The following CLPX variants were observed in gnomAD, a reference collection of about 807,000 sequenced individuals.
CLPX encodes the protein caseinolytic mitochondrial matrix peptidase chaperone subunit X.
CLPX carries 34 observed loss-of-function variants against 76.4 expected under a neutral mutation model. That is an observed-to-expected ratio of 0.45 (90% CI 0.34 to 0.59). The LOEUF (loss-of-function observed/expected upper bound fraction) is 0.59, where lower values mean the gene tolerates loss of function less well. Among genes scored for constraint, CLPX ranks in the 20% least tolerant of loss-of-function variants. CLPX has a pLI of 0.01. For missense variants in CLPX, 613 were observed against 757.0 expected (o/e 0.81, Z 2.23); for synonymous variants, 248 against 270.9 (o/e 0.92, Z 0.83).
chr15:65,157,130 A>G (rs927230848), intron 8 of CLPX, among the ~76,000 whole-genome samples, 198 bp from the exon 9 acceptor site: 11 of 152,218 alleles, frequency 7.2e-5, no homozygotes, highest in African/African-American at 1.2e-4. Context: ...AATCTGCTCT[A>G]CGGAGTAACA....
intron 3 of CLPX, among the ~76,000 whole-genome samples, chr15:65,168,809 A>G (rs1005215236): frequency 6.6e-6 from 1 of 151,938 alleles, no homozygotes; most frequent in Non-Finnish European, 1.5e-5. Context: ...TCTCAATTCC[A>G]ATGGATCAGC....
rs61002905 is a variant in CLPX at position 65,183,460 on chromosome 15, CAAAAAAAAA to C, written c.79+1606_79+1614del. On this transcript the variant is annotated intron_variant, in intron 1 of 13. Transcript: ENST00000300107. ...TGAGCGACAGAGCGAGACTCTGTCT[CAAAAAAAAA>C]AAAAAAAAAAAAAGAAAGAAAATAA... Among the ~76,000 whole-genome samples the C allele has an allele frequency of 1.5e-4, 10 of 66,256 alleles. No homozygotes were observed. In the East Asian group the frequency reaches 2.8e-3, roughly 19 times the overall value. 43.5% of individuals were successfully genotyped at this position (66,256 alleles called of 152,430 possible). A position where few individuals can be genotyped will look rare whatever the true frequency, so the allele number is the denominator to read the frequency against.
Position 65,153,683 on chromosome 15 carries a change from T to C in CLPX, c.1612-44A>G, listed in dbSNP as rs763635112. On this transcript the variant is annotated intron_variant, in intron 11 of 13. Transcript: ENST00000300107. ...TAAATTATAACTTTTATTGTTAATTTGTACCACCAGAAAATGTACCATTAA... is the reference window on the plus strand; with the variant it reads ...TAAATTATAACTTTTATTGTTAATTCGTACCACCAGAAAATGTACCATTAA... 2.3e-5 allele frequency: 27 copies of C among 1,172,002 alleles called. No individual in the cohort carries two copies. In the African/African-American group the frequency reaches 2.6e-4, roughly 11 times the overall value. The allele number at this position is 1,172,002 out of a possible 1,614,324, so 72.6% of individuals were successfully genotyped here. A position where few individuals can be genotyped will look rare whatever the true frequency, so the allele number is the denominator to read the frequency against.
chr15:65,183,549 CAGGAAGGAAGGAAAGGA>C (rs1358434153), intron 1 of CLPX, among the ~76,000 whole-genome samples: 3 of 124,378 alleles, frequency 2.4e-5, no homozygotes, highest in Admixed American at 8.2e-5. Context: ...GAAAGAAAGA[CAGGAAGGAAGGAAAGGA>C]AGGAAGGAAG....
intron 4 of CLPX, 47 bp from the exon 5 acceptor site, chr15:65,164,235 A>T: frequency 6.9e-7 from 1 of 1,458,202 alleles, no homozygotes; most frequent in Non-Finnish European, 9.4e-7. Context: ...CTATTATAAG[A>T]GCACACACAT....
intron 13 of CLPX, 104 bp from the exon 14 acceptor site, chr15:65,151,017 C>T (rs1467559589): frequency 2.1e-5 from 15 of 708,588 alleles, no homozygotes; most frequent in East Asian, 1.6e-4. Flanking sequence ...AAGAAAGCCA[C>T]GATAATAGAA....
chr15:65,154,927 T>G lies in CLPX; in HGVS notation c.1466A>C (p.Glu489Ala). 2 of 1,614,116 alleles carry G rather than the reference T, an allele frequency of 1.2e-6. No individual in the cohort carries two copies. Among genetic ancestry groups the G allele is most frequent in the Non-Finnish European group, 1.7e-6 (2 of 1,180,022 alleles). ...CACAAACTCAGGAATCATGCCAAAC[T>G]CAATCAGATCTCTGGCTTCCACATG... Reference protein sequence around the residue: ...LRHVEARDLIEFGMIPEFVGR... With the variant: ...LRHVEARDLIAFGMIPEFVGR... Residue 489 changes from glutamate (E) to alanine (A), a missense_variant, in exon 11 of 14, where the codon GAG (glutamate) becomes GCG (alanine). This residue lies in a region of CLPX where 450 missense variants were observed against 638.6 expected (regional missense o/e 0.70). Transcript: ENST00000300107.
At chr15:65,163,157 A>G (rs1039785562) in intron 5 of CLPX, among the ~76,000 whole-genome samples, 1 of 152,114 alleles carries the variant, frequency 6.6e-6, no homozygotes, top group African/African-American at 2.4e-5. Flanking sequence ...GAGCCTGGGA[A>G]GTTGAGGCTG....
chr15:65,183,205 G>C (rs1185952445), intron 1 of CLPX, among the ~76,000 whole-genome samples: 1 of 151,854 alleles, frequency 6.6e-6, no homozygotes, highest in East Asian at 1.9e-4. Context: ...GCTCACGCCT[G>C]TAATCCCAGC....
At chr15:65,164,508 T>A (rs185939875) in intron 4 of CLPX, among the ~76,000 whole-genome samples, 3 of 152,290 alleles carry the variant, frequency 2.0e-5, no homozygotes, top group African/African-American at 7.2e-5. Context: ...TTAGAATACA[T>A]ACACATGCCA....
chr15:65,185,260 G>A lies in CLPX; in HGVS notation c.-107C>T. 1 of 886,334 alleles carries A rather than the reference G, an allele frequency of 1.1e-6. No homozygotes were observed. The highest frequency in any genetic ancestry group is 1.8e-6 in the Non-Finnish European group (1 of 568,126). 54.9% of individuals were successfully genotyped at this position (886,334 alleles called of 1,614,324 possible). On this transcript the variant is annotated 5_prime_UTR_variant, in exon 1 of 14. Coordinates refer to ENST00000300107, the MANE Select transcript of CLPX (RefSeq NM_006660.5). Reference sequence around the variant, plus strand: ...GACTCGGTTCCGAACCCTTTCGCGGGCCCTAGACCCCGTGGAGAGTTCACC... The same window carrying A: ...GACTCGGTTCCGAACCCTTTCGCGGACCCTAGACCCCGTGGAGAGTTCACC...
In CLPX at chr15:65,152,904, TTTTG is replaced by T. The variant is rs1555412183; in HGVS notation, c.1705-372_1705-369del. Among the ~76,000 whole-genome samples, 273 of 150,686 alleles carry T rather than the reference TTTTG, an allele frequency of 1.8e-3. 1 individual carries two copies. Among genetic ancestry groups the T allele is most frequent in the African/African-American group, 3.9e-3 (162 of 41,026 alleles). ...GAGCCACCATGCCCAGCCTCTTTTTTTTTGTTTGTTTGTTTGTTTGTTTGTTTTG... is the reference window on the plus strand; with the variant it reads ...GAGCCACCATGCCCAGCCTCTTTTTTTTTGTTTGTTTGTTTGTTTGTTTTG... On this transcript the variant is annotated intron_variant, in intron 12 of 13. Coordinates refer to ENST00000300107, the MANE Select transcript of CLPX (RefSeq NM_006660.5).
chr15:65,175,949 G>C (rs1352367826), intron 3 of CLPX, among the ~76,000 whole-genome samples: 6 of 152,204 alleles, frequency 3.9e-5, no homozygotes, highest in Admixed American at 3.9e-4. Flanking sequence ...ACAGTGTCAT[G>C]ATCATCTGCA....
At chr15:65,181,490 CG>C (rs2088170572) in intron 1 of CLPX, among the ~76,000 whole-genome samples, 1 of 151,984 alleles carries the variant, frequency 6.6e-6, no homozygotes, top group Non-Finnish European at 1.5e-5. Context: ...TGATGGCTCA[CG>C]CCTGTAATCC....
chr15:65,150,109 G>C lies in CLPX; in HGVS notation c.*714C>G, dbSNP rs1021214484. ...GAGTCTCACTTTGTCGCCCAGGCTG[G>C]AGTGCAGTGGCACAACCTCAGCTCA... On this transcript the variant is annotated 3_prime_UTR_variant, in exon 14 of 14. Transcript: ENST00000300107. 1 of 152,050 alleles carries C rather than the reference G, an allele frequency of 6.6e-6. No homozygotes were observed. The highest frequency in any genetic ancestry group is 1.5e-5 in the Non-Finnish European group (1 of 68,058). The allele number at this position is 152,050 out of a possible 1,614,324, so 9.4% of individuals were successfully genotyped here.
rs2087766796 is a variant in CLPX, at chr15:65,154,882, A to G, written c.1511T>C (p.Val504Ala). The G allele has an allele frequency of 2.0e-5, 33 of 1,614,196 alleles. No homozygotes were observed. Among genetic ancestry groups the G allele is most frequent in the Non-Finnish European group, 2.6e-5 (31 of 1,180,022 alleles). ...TTTCTCATCTAGGCTATGCAATGGA[A>G]CCACCACAGGCAACCGTCCCACAAA... ...PEFVGRLPVV[V>A]PLHSLDEKTL... is the part of the protein sequence containing the mutation. The change falls in exon 11 of 14, where the codon GTT (valine) becomes GCT (alanine). Residue 504 changes from valine to alanine, a missense_variant. This residue lies in a region of CLPX where 450 missense variants were observed against 638.6 expected (regional missense o/e 0.70). Coordinates refer to ENST00000300107, the MANE Select transcript of CLPX (RefSeq NM_006660.5).
At chr15:65,166,338 C>T (rs558884161) in intron 4 of CLPX, among the ~76,000 whole-genome samples, 3 of 152,020 alleles carry the variant, frequency 2.0e-5, no homozygotes, top group African/African-American at 7.2e-5. Flanking sequence ...AAGTTGCTTG[C>T]TCTATTGTAG....
At chr15:65,177,391 C>G (rs1042720264) in intron 3 of CLPX, among the ~76,000 whole-genome samples, 3 of 152,032 alleles carry the variant, frequency 2.0e-5, no homozygotes, top group Non-Finnish European at 4.4e-5. Flanking sequence ...ATGTTGTGAT[C>G]CAAATTAAAT....
intron 1 of CLPX, among the ~76,000 whole-genome samples, chr15:65,181,920 G>A (rs909087436): frequency 1.3e-5 from 2 of 151,512 alleles, no homozygotes; most frequent in African/African-American, 4.9e-5. Flanking sequence ...TCAGGAGATC[G>A]AGACCATCCT....
Sources: allele counts gnomAD v4.1 joint callset (sites outside exome capture counted in the v4.1 genomes callset), GRCh38; gene constraint gnomAD v4.1.1; regional missense constraint gnomAD v4.1.1; transcripts MANE v1.5; gene names NCBI Gene and HGNC (gene_info 2026-07-23, HGNC 2026-07-21).